The following ZDHHC23 variants were observed in gnomAD, a reference collection of about 807,000 sequenced individuals.
ZDHHC23 encodes zDHHC palmitoyltransferase 23, also known as palmitoyltransferase ZDHHC23.
In ZDHHC23, 41 loss-of-function variants were observed where a neutral mutation model predicts 40.2. The observed-to-expected ratio is 1.02, with a 90% confidence interval of 0.79 to 1.32. The LOEUF is 1.32. Among genes scored for constraint, ZDHHC23 ranks in the 40% most tolerant of loss-of-function variants. The pLI is 0.00. For synonymous variants in ZDHHC23, 204 were observed against 210.2 expected, an observed-to-expected ratio of 0.97 and a Z score of 0.26; for missense variants, 471 against 541.5, an observed-to-expected ratio of 0.87 and a Z score of 1.29.
chr3:113,950,140 C>T (rs1381793968), intron 2 of ZDHHC23, among the ~76,000 whole-genome samples: 7 of 152,194 alleles, frequency 4.6e-5, no homozygotes, highest in African/African-American at 1.7e-4. Context: ...TCTGTGTTTC[C>T]ACCGTGCCTG....
chr3:113,948,961 T>A lies in ZDHHC23; in HGVS notation c.159T>A (p.Asp53Glu), dbSNP rs765345090. 4.3e-6 allele frequency: 7 copies of A among 1,614,174 alleles called. No homozygotes were observed. The highest frequency in any genetic ancestry group is 5.9e-6 in the Non-Finnish European group (7 of 1,180,038). ...GTCAAGATCTGGATGAAGGGTGTGATCGGTAAGAACAGAGCATTTCTTGAC... is the reference window on the plus strand; with the variant it reads ...GTCAAGATCTGGATGAAGGGTGTGAACGGTAAGAACAGAGCATTTCTTGAC... Reference protein sequence around the residue: ...CDCQDLDEGCDRWITCKSLQP... With the variant: ...CDCQDLDEGCERWITCKSLQP... Residue 53 changes from aspartate (D) to glutamate (E), a missense_variant and splice_region_variant, in exon 2 of 5, where the codon GAT becomes GAA. Physicochemically the swap from Asp to Glu is conservative, Grantham distance 45. Transcript: ENST00000638807.
In ZDHHC23 at chr3:113,960,682, A is replaced by G. The variant is rs1235822896; in HGVS notation, c.*2052A>G. 13 of 1,606,630 alleles carry G rather than the reference A, an allele frequency of 8.1e-6. No homozygotes were observed. The highest frequency in any genetic ancestry group is 1.6e-4 in the Middle Eastern group (1 of 6,066). On this transcript the variant is annotated 3_prime_UTR_variant, in exon 5 of 5. Coordinates refer to ENST00000638807, the MANE Select transcript of ZDHHC23 (RefSeq NM_001320466.2). ...ACCAAAATAATTTGGGAGAATTAGG[A>G]ATGATGACAATTTTTTTTAACAACT... is the stretch of plus-strand genomic sequence containing the variant.
chr3:113,953,174 T>TC (rs137869331), intron 2 of ZDHHC23, among the ~76,000 whole-genome samples: 10,515 of 152,128 alleles, frequency 0.069, 534 homozygotes, highest in Non-Finnish European at 0.1. Flanking sequence ...TGGAAGGCCT[T>TC]CCTTACTCCC....
At chr3:113,970,901 C>A in the ZDHHC23 span, among the ~76,000 whole-genome samples, 1 of 152,182 alleles carries the variant, frequency 6.6e-6, no homozygotes, top group Non-Finnish European at 1.5e-5. Flanking sequence ...ATGAACTCAT[C>A]ATTTTTTATG....
rs2107513979 is a variant in ZDHHC23, at chr3:113,959,459, G to A, written c.*829G>A. On this transcript the variant is annotated 3_prime_UTR_variant, in exon 5 of 5. Transcript: ENST00000638807. The stretch of plus-strand genomic sequence containing the variant: ...ATTTATATTTTATAAATTCTGCTTG[G>A]GTTTCTTATAAATAACTCCAACAGG... 1 of 1,254,922 alleles carries A rather than the reference G, an allele frequency of 8.0e-7. No homozygotes were observed. The highest frequency in any genetic ancestry group is 1.0e-6 in the Non-Finnish European group (1 of 962,088). The allele number at this position is 1,254,922 out of a possible 1,614,324, so 77.7% of individuals were successfully genotyped here.
rs1182277059 is a variant in ZDHHC23, at chr3:113,954,091, T to C, written c.553T>C (p.Leu185=). The C allele has an allele frequency of 1.2e-6, 2 of 1,614,072 alleles. No individual in the cohort carries two copies. Among genetic ancestry groups the C allele is most frequent in the Non-Finnish European group, 8.5e-7 (1 of 1,180,064 alleles). The change falls in exon 3 of 5, where the codon TTG becomes CTG. Residue 185 remains leucine (L), a synonymous_variant. Coordinates refer to ENST00000638807, the MANE Select transcript of ZDHHC23 (RefSeq NM_001320466.2). ...CGGGTTATTTCTGATACTCTTAGCC[T>C]TGCACAGAGCCAAGAAGAATCCAGG... ...TCGLFLILLA[L]HRAKKNPGYL... is the part of the protein sequence containing the mutation.
the ZDHHC23 span, among the ~76,000 whole-genome samples, chr3:113,979,198 A>G: frequency 6.6e-6 from 1 of 152,222 alleles, no homozygotes; most frequent in Non-Finnish European, 1.5e-5. Context: ...ATAGATTCAC[A>G]TCATGCATGG....
intron 3 of ZDHHC23, among the ~76,000 whole-genome samples, chr3:113,956,133 T>C (rs1245341459): frequency 2.0e-5 from 3 of 152,088 alleles, no homozygotes; most frequent in Non-Finnish European, 4.4e-5. Flanking sequence ...TCCCAGCTAC[T>C]TGAGAGGCTG....
Position 113,948,695 on chromosome 3 carries a change from G to C in ZDHHC23, c.-108G>C. The C allele has an allele frequency of 7.4e-7, 1 of 1,349,972 alleles. No homozygotes were observed. Among genetic ancestry groups the C allele is most frequent in the Non-Finnish European group, 1.0e-6 (1 of 977,366 alleles). The allele number at this position is 1,349,972 out of a possible 1,614,324, so 83.6% of individuals were successfully genotyped here. On this transcript the variant is annotated 5_prime_UTR_variant, in exon 2 of 5. Coordinates refer to ENST00000638807, the MANE Select transcript of ZDHHC23 (RefSeq NM_001320466.2). Reference sequence around the variant, plus strand: ...ATTTTTGATTGCTCAGGCGTTGGAGGTTAAGCAGAGAGAGAGAGGCGTGGA... The same window carrying C: ...ATTTTTGATTGCTCAGGCGTTGGAGCTTAAGCAGAGAGAGAGAGGCGTGGA...
rs570580879 is a variant in ZDHHC23 at position 113,962,799 on chromosome 3, C to T, written c.*4169C>T. On this transcript the variant is annotated 3_prime_UTR_variant, in exon 5 of 5. Coordinates refer to ENST00000638807, the MANE Select transcript of ZDHHC23 (RefSeq NM_001320466.2). ...TAAGGGGGATTTCTGAAGCCAACTC[C>T]GGAGGCTGTGGGCTGCACATTTTGC... 2.6e-5 allele frequency: 4 copies of T among 152,152 alleles called. No individual in the cohort carries two copies. Among genetic ancestry groups the T allele is most frequent in the African/African-American group, 7.2e-5 (3 of 41,420 alleles). The allele number at this position is 152,152 out of a possible 1,614,324, so 9.4% of individuals were successfully genotyped here.
rs1057186200 is a variant in ZDHHC23 at position 113,961,092 on chromosome 3, G to C, written c.*2462G>C. The stretch of plus-strand genomic sequence containing the variant: ...ATTGTGGAATCTTTGAAAGGACAAG[G>C]CCTCTGTGAATGAATCAGTCCCAGG... On this transcript the variant is annotated 3_prime_UTR_variant, in exon 5 of 5. Coordinates refer to ENST00000638807, the MANE Select transcript of ZDHHC23 (RefSeq NM_001320466.2). 2 of 213,612 alleles carry C rather than the reference G, an allele frequency of 9.4e-6. No homozygotes were observed. Among genetic ancestry groups the C allele is most frequent in the Non-Finnish European group, 1.8e-5 (2 of 109,244 alleles). 13.2% of individuals were successfully genotyped at this position (213,612 alleles called of 1,614,324 possible). A position where few individuals can be genotyped will look rare whatever the true frequency, so the allele number is the denominator to read the frequency against.
chr3:113,950,168 C>T (rs1938527586), intron 2 of ZDHHC23, among the ~76,000 whole-genome samples: 1 of 152,152 alleles, frequency 6.6e-6, no homozygotes. Context: ...GTATGATTCC[C>T]AATTAGTTAT....
rs551221498 is a variant in ZDHHC23, at chr3:113,954,352, G to C, written c.814G>C (p.Ala272Pro). ...GTGCCAGCTGGTGCGACCAGCCCGGGCATGGCACTGCCGGATATGTGGCAT... is the reference window on the plus strand; with the variant it reads ...GTGCCAGCTGGTGCGACCAGCCCGGCCATGGCACTGCCGGATATGTGGCAT... Reference protein sequence around the residue: ...AKCQLVRPARAWHCRICGICV... With the variant: ...AKCQLVRPARPWHCRICGICV... Residue 272 changes from alanine to proline, a missense_variant, in exon 3 of 5, where the codon GCA becomes CCA. This residue lies in a region of ZDHHC23 where 346 missense variants were observed against 399.8 expected (regional missense o/e 0.87). Transcript: ENST00000638807. 1 of 1,612,880 alleles carries C rather than the reference G, an allele frequency of 6.2e-7. No individual in the cohort carries two copies. Among genetic ancestry groups the C allele is most frequent in the East Asian group, 2.2e-5 (1 of 44,850 alleles).
chr3:113,953,677 C>T lies in ZDHHC23; in HGVS notation c.162-23C>T, dbSNP rs759781216. 1.9e-6 allele frequency: 3 copies of T among 1,588,700 alleles called. No individual in the cohort carries two copies. In the African/African-American group the frequency reaches 4.0e-5, roughly 21 times the overall value. On this transcript the variant is annotated intron_variant, in intron 2 of 4. Transcript: ENST00000638807. Reference sequence around the variant, plus strand: ...TCAACAAACCCACATGAAGTCCCTCCTCTTTGTGCTTTTTCTGAATAGATG... The same window carrying T: ...TCAACAAACCCACATGAAGTCCCTCTTCTTTGTGCTTTTTCTGAATAGATG...
the ZDHHC23 span, chr3:113,978,921 C>T: frequency 2.5e-6 from 4 of 1,614,064 alleles, 1 homozygote; most frequent in South Asian, 4.4e-5. Context: ...CAGCCTGGGC[C>T]ATCTTTCTAG....
At chr3:113,951,587 C>A (rs549770630) in intron 2 of ZDHHC23, among the ~76,000 whole-genome samples, 6 of 152,266 alleles carry the variant, frequency 3.9e-5, no homozygotes, top group African/African-American at 1.4e-4. Context: ...GCCCTGGGCC[C>A]TCTTATGAAA....
chr3:113,973,596 G>GT, the ZDHHC23 span, among the ~76,000 whole-genome samples: 48,971 of 145,400 alleles, frequency 0.34, 8,784 homozygotes, highest in Middle Eastern at 0.51. Context: ...TGGATGGCAG[G>GT]TTTTTTTTTT....
chr3:113,948,933 A>T lies in ZDHHC23; in HGVS notation c.131A>T (p.Asp44Val). Residue 44 changes from aspartate (D) to valine (V), a missense_variant, in exon 2 of 5, where the codon GAT becomes GTT. Asp to Val is a radical substitution (Grantham distance 152). Transcript: ENST00000638807. ...AACCACGTGGCTACTTGTTTGTGTG[A>T]TTGTCAAGATCTGGATGAAGGGTGT... ...EKNHVATCLC[D>V]CQDLDEGCDR... is the part of the protein sequence containing the mutation. 1.2e-6 allele frequency: 2 copies of T among 1,614,192 alleles called. No individual in the cohort carries two copies. The highest frequency in any genetic ancestry group is 1.7e-6 in the Non-Finnish European group (2 of 1,180,030).
At chr3:113,958,307 C>G (rs1939426548) in intron 4 of ZDHHC23, 56 bp from the exon 5 acceptor site, 15 of 1,479,210 alleles carry the variant, frequency 1.0e-5, no homozygotes, top group Admixed American at 3.8e-5. Context: ...AGAATGATGA[C>G]AGTTTTCTGA....
Sources: allele counts gnomAD v4.1 joint callset (sites outside exome capture counted in the v4.1 genomes callset), GRCh38; gene constraint gnomAD v4.1.1; regional missense constraint gnomAD v4.1.1; transcripts MANE v1.5; gene names NCBI Gene and HGNC (gene_info 2026-07-23, HGNC 2026-07-21).